The following NELL1 variants were observed in gnomAD, a reference collection of about 807,000 sequenced individuals.
The protein encoded by NELL1 is protein kinase C-binding protein NELL1.
A neutral mutation model predicts 107.4 loss-of-function variants in NELL1; 76 were observed. That is an observed-to-expected ratio of 0.71 (90% CI 0.59 to 0.86). The LOEUF is 0.86. Among genes scored for constraint, NELL1 ranks in the 40% least tolerant of loss-of-function variants. NELL1 has a pLI of 0.00. For synonymous variants in NELL1, 353 were observed against 341.2 expected, an observed-to-expected ratio of 1.03 and a Z score of -0.38; for missense variants, 1,024 against 1,005.5, an observed-to-expected ratio of 1.02 and a Z score of -0.25.
chr11:21,109,486 T>C (rs1855054934), intron 12 of NELL1, among the ~76,000 whole-genome samples: 1 of 152,122 alleles, frequency 6.6e-6, no homozygotes, highest in African/African-American at 2.4e-5. Flanking sequence ...CCTCTTCTTG[T>C]CTCCTGGCTT....
At chr11:20,896,445 A>G (rs1294936487) in intron 5 of NELL1, among the ~76,000 whole-genome samples, 1 of 152,086 alleles carries the variant, frequency 6.6e-6, no homozygotes, top group African/African-American at 2.4e-5. Context: ...AACCGTGTGT[A>G]TGTCTTTTTC....
intron 3 of NELL1, among the ~76,000 whole-genome samples, chr11:20,835,589 A>T (rs181540368): frequency 1.3e-5 from 2 of 152,212 alleles, no homozygotes; most frequent in African/African-American, 4.8e-5. Flanking sequence ...TGGAACAGTG[A>T]GAATACTCTG....
chr11:21,230,153 G>A (rs1858008082), intron 14 of NELL1, among the ~76,000 whole-genome samples: 1 of 152,064 alleles, frequency 6.6e-6, no homozygotes, highest in East Asian at 1.9e-4. Flanking sequence ...ATCTAAAATA[G>A]TACGCTTAGT....
intron 2 of NELL1, among the ~76,000 whole-genome samples, chr11:20,772,621 A>ATTCATTCG (rs1463252931): frequency 2.0e-5 from 3 of 151,954 alleles, no homozygotes; most frequent in African/African-American, 7.3e-5. Context: ...CTTTTCATTC[A>ATTCATTCG]TTCATTCATT....
In NELL1 at chr11:21,411,187, A is replaced by G. The variant is rs752061618; in HGVS notation, c.1645+40239A>G. On this transcript the variant is annotated intron_variant, in intron 15 of 19. Coordinates refer to ENST00000357134, the MANE Select transcript of NELL1 (RefSeq NM_006157.5). ...TGGGAGAATTAAGTGAGATACTTAT[A>G]AAGTTCTCTAGTGTAATGTCCATCA... Among the ~76,000 whole-genome samples, 31 of 152,108 alleles carry G rather than the reference A, an allele frequency of 2.0e-4. 1 individual carries two copies. The highest frequency in any genetic ancestry group is 3.9e-4 in the Admixed American group (6 of 15,268).
chr11:21,268,667 C>T (rs956683536), intron 14 of NELL1, among the ~76,000 whole-genome samples: 1 of 152,170 alleles, frequency 6.6e-6, no homozygotes, highest in Non-Finnish European at 1.5e-5. Context: ...AATGCTAACC[C>T]CTCAACAACT....
chr11:21,093,549 T>A (rs1450949497), intron 12 of NELL1, among the ~76,000 whole-genome samples: 5 of 152,172 alleles, frequency 3.3e-5, no homozygotes, highest in Non-Finnish European at 7.3e-5. Flanking sequence ...TGTTACTGTA[T>A]TAGTTTGCTT....
chr11:21,003,358 A>T (rs535838259), intron 12 of NELL1, among the ~76,000 whole-genome samples: 1 of 152,316 alleles, frequency 6.6e-6, no homozygotes, highest in Admixed American at 6.5e-5. Context: ...TATACAATGC[A>T]AAGAACAAAC....
chr11:20,827,880 C>T (rs1193406701), intron 3 of NELL1, among the ~76,000 whole-genome samples: 1 of 151,176 alleles, frequency 6.6e-6, no homozygotes, highest in African/African-American at 2.4e-5. Flanking sequence ...AAGTGACTTC[C>T]TTCTGTTGTG....
intron 13 of NELL1, among the ~76,000 whole-genome samples, chr11:21,138,016 G>T (rs1179797435): frequency 1.3e-5 from 2 of 152,120 alleles, no homozygotes; most frequent in African/African-American, 4.8e-5. Flanking sequence ...ACACTTTATT[G>T]CTCTCTCACA....
At chr11:21,058,999 A>G (rs958918771) in intron 12 of NELL1, among the ~76,000 whole-genome samples, 3 of 152,180 alleles carry the variant, frequency 2.0e-5, no homozygotes, top group African/African-American at 7.2e-5. Context: ...TTTGGTGGCC[A>G]ATCATCATTT....
intron 15 of NELL1, among the ~76,000 whole-genome samples, chr11:21,494,973 T>G (rs1423706620): frequency 2.6e-5 from 4 of 152,104 alleles, no homozygotes; most frequent in Non-Finnish European, 5.9e-5. Context: ...TCTCTTGGTA[T>G]TCTTCTGTTT....
intron 7 of NELL1, 34 bp from the exon 8 acceptor site, chr11:20,927,274 T>C (rs1056030889): frequency 6.3e-7 from 1 of 1,582,048 alleles, no homozygotes; most frequent in Non-Finnish European, 8.6e-7. Context: ...GCAATTGAAT[T>C]ACAGAAATTA....
intron 12 of NELL1, among the ~76,000 whole-genome samples, chr11:21,093,624 A>G (rs1310916833): frequency 6.6e-6 from 1 of 152,214 alleles, no homozygotes; most frequent in East Asian, 1.9e-4. Flanking sequence ...TTTAATTCGA[A>G]TCACAGTTCC....
intron 5 of NELL1, among the ~76,000 whole-genome samples, chr11:20,908,945 G>T (rs2134144325): frequency 6.6e-6 from 1 of 152,242 alleles, no homozygotes; most frequent in Admixed American, 6.5e-5. Context: ...ACCCATGTAT[G>T]AATGGATAAA....
chr11:20,812,402 A>G (rs566282563), intron 3 of NELL1, among the ~76,000 whole-genome samples: 4 of 151,904 alleles, frequency 2.6e-5, no homozygotes, highest in Admixed American at 6.5e-5. Flanking sequence ...AGTTTATGTT[A>G]TTGTTTTTGC....
chr11:21,327,236 C>A (rs535475812), intron 14 of NELL1, among the ~76,000 whole-genome samples: 13 of 147,572 alleles, frequency 8.8e-5, no homozygotes, highest in African/African-American at 3.0e-4. Context: ...TGGAGATATA[C>A]CTAATGTTAA....
intron 15 of NELL1, among the ~76,000 whole-genome samples, chr11:21,453,736 A>G (rs7939027): frequency 0.85 from 128,505 of 151,138 alleles, 54,719 homozygotes; most frequent in East Asian, 0.97. Flanking sequence ...CCTTCTTTAG[A>G]GTTGTATTTT....
At chr11:21,014,170 T>A (rs1676606136) in intron 12 of NELL1, among the ~76,000 whole-genome samples, 1 of 152,118 alleles carries the variant, frequency 6.6e-6, no homozygotes, top group African/African-American at 2.4e-5. Flanking sequence ...TCAGTTGGAT[T>A]TGATGTAATA....
Sources: gnomAD v4.1 joint callset for allele counts (sites outside exome capture counted in the v4.1 genomes callset) on GRCh38, gnomAD v4.1.1 for gene constraint, MANE v1.5 for transcripts, NCBI Gene and HGNC (gene_info 2026-07-23, HGNC 2026-07-21) for gene names.